The following EHBP1 variants were observed in gnomAD, a reference collection of about 807,000 sequenced individuals.
EHBP1 encodes EH domain binding protein 1.
In EHBP1, 55 loss-of-function variants were observed where a neutral mutation model predicts 144.0. That is an observed-to-expected ratio of 0.38 (90% CI 0.31 to 0.48). EHBP1 has a LOEUF of 0.48. Among genes scored for constraint, EHBP1 ranks in the 20% least tolerant of loss-of-function variants. EHBP1 has a pLI of 0.98. For synonymous variants in EHBP1, 469 were observed against 472.7 expected (o/e 0.99, Z 0.10); for missense variants, 1,200 against 1,364.2 (o/e 0.88, Z 1.90).
intron 5 of EHBP1, 141 bp downstream of exon 5, chr2:62,771,533 A>T: frequency 1.2e-5 from 7 of 596,724 alleles, no homozygotes; most frequent in Non-Finnish European, 2.0e-5. Context: ...GAATGTTTTT[A>T]ATGAAATGAT....
rs969190417 is a variant in EHBP1 at position 62,935,342 on chromosome 2, AAAAT to A, written c.1186-7374_1186-7371del. ...AGACTCCATCTCAAAAAAAAAAAAA[AAAAT>A]ATATATATATATATATATATCCATC... On this transcript the variant is annotated intron_variant, in intron 10 of 22. Coordinates refer to ENST00000431489, the MANE Select transcript of EHBP1 (RefSeq NM_001142616.3). 1.0e-4 allele frequency among the ~76,000 whole-genome samples: 13 copies of A among 127,104 alleles called. No homozygotes were observed. The South Asian group carries it at 2.4e-3, about 23-fold the overall frequency. 83.4% of individuals were successfully genotyped at this position (127,104 alleles called of 152,430 possible).
chr2:62,771,356 A>G lies in EHBP1; in HGVS notation c.276A>G (p.Glu92=). 6.3e-7 allele frequency: 1 copy of G among 1,593,832 alleles called. No individual in the cohort carries two copies. Among genetic ancestry groups the G allele is most frequent in the Non-Finnish European group, 8.5e-7 (1 of 1,169,884 alleles). The part of the protein sequence containing the change: ...VTLFKDPHAE[E]FEDKEWTFVI... Reference sequence around the variant, plus strand: ...TGTTACAGGATCCTCATGCGGAAGAATTTGAAGACAAAGAGTGGACATTTG... The same window carrying G: ...TGTTACAGGATCCTCATGCGGAAGAGTTTGAAGACAAAGAGTGGACATTTG... The change falls in exon 5 of 23, where the codon GAA becomes GAG. Residue 92 remains glutamate, a synonymous_variant. Coordinates refer to ENST00000431489, the MANE Select transcript of EHBP1 (RefSeq NM_001142616.3).
At chr2:63,017,313 C>T (rs892371002) in intron 19 of EHBP1, among the ~76,000 whole-genome samples, 13 of 152,174 alleles carry the variant, frequency 8.5e-5, no homozygotes, top group African/African-American at 2.4e-4. Context: ...CATGAGCCAC[C>T]GTCCCCGGCC....
intron 12 of EHBP1, 108 bp from the exon 13 acceptor site, chr2:62,948,152 A>G: frequency 1.1e-6 from 1 of 943,396 alleles, no homozygotes. Context: ...ATGTGACATA[A>G]TGTCGATAAC....
chr2:62,743,131 C>T (rs1402451429), intron 2 of EHBP1, among the ~76,000 whole-genome samples: 1 of 152,016 alleles, frequency 6.6e-6, no homozygotes, highest in Non-Finnish European at 1.5e-5. Context: ...AATAAACTGA[C>T]CATGATATCC....
At chr2:62,733,007 C>G (rs904168157) in intron 2 of EHBP1, among the ~76,000 whole-genome samples, 14 of 152,268 alleles carry the variant, frequency 9.2e-5, no homozygotes, top group Admixed American at 7.2e-4. Flanking sequence ...GTTTTCATTT[C>G]TCTGCTTCCA....
chr2:62,746,516 A>G (rs1321389708), intron 2 of EHBP1, among the ~76,000 whole-genome samples: 1 of 152,096 alleles, frequency 6.6e-6, no homozygotes, highest in African/African-American at 2.4e-5. Context: ...TATGACTTTC[A>G]TTTCTTGGTT....
rs1276349130 is a variant in EHBP1 at position 62,875,263 on chromosome 2, G to T, written c.1185+731G>T. 2.6e-5 allele frequency among the ~76,000 whole-genome samples: 4 copies of T among 152,190 alleles called. No homozygotes were observed. The East Asian group carries it at 7.7e-4, about 29-fold the overall frequency. On this transcript the variant is annotated intron_variant, in intron 10 of 22. Transcript: ENST00000431489. Reference sequence around the variant, plus strand: ...TCAGAGTGATCTTGCCAGCAGACTGGGAACATCTCAGGCCCTCGAGCACAG... The same window carrying T: ...TCAGAGTGATCTTGCCAGCAGACTGTGAACATCTCAGGCCCTCGAGCACAG...
chr2:62,863,908 G>T (rs147535366), intron 8 of EHBP1, among the ~76,000 whole-genome samples: 14 of 131,626 alleles, frequency 1.1e-4, no homozygotes, highest in Non-Finnish European at 2.0e-4. Context: ...GTTCAGTGGC[G>T]CAGTCTCAGC....
chr2:63,011,093 T>TA (rs2060245408), intron 19 of EHBP1, among the ~76,000 whole-genome samples: 1 of 149,288 alleles, frequency 6.7e-6, no homozygotes, highest in Non-Finnish European at 1.5e-5. Flanking sequence ...ACAGAGGGAT[T>TA]ACTCCTGGGT....
intron 6 of EHBP1, among the ~76,000 whole-genome samples, chr2:62,827,576 A>G (rs183358552): frequency 9.9e-5 from 15 of 152,022 alleles, no homozygotes; most frequent in Admixed American, 3.9e-4. Context: ...CTGCCTCTCT[A>G]CCTCCTCCTT....
At position 63,046,286 on chromosome 2, in the gene EHBP1, C is replaced by T. The variant is rs2061952004; in HGVS notation, c.*786C>T. On this transcript the variant is annotated 3_prime_UTR_variant, in exon 23 of 23. Coordinates refer to ENST00000431489, the MANE Select transcript of EHBP1 (RefSeq NM_001142616.3). The stretch of plus-strand genomic sequence containing the variant: ...GCTTGATTCCTACATTTTGTTGGGT[C>T]TCAACATTGGCTCACGAATGCTGTT... The T allele has an allele frequency of 1.3e-5, 2 of 152,612 alleles. No individual in the cohort carries two copies. Among genetic ancestry groups the T allele is most frequent in the Non-Finnish European group, 2.9e-5 (2 of 68,040 alleles). The allele number at this position is 152,612 out of a possible 1,614,324, so 9.5% of individuals were successfully genotyped here. A position where few individuals can be genotyped will look rare whatever the true frequency, so the allele number is the denominator to read the frequency against.
In EHBP1 at chr2:62,830,999, A is replaced by G. The variant is rs1350359993; in HGVS notation, c.495-20A>G. 6.2e-7 allele frequency: 1 copy of G among 1,607,696 alleles called. No homozygotes were observed. The highest frequency in any genetic ancestry group is 1.7e-5 in the Admixed American group (1 of 58,378). On this transcript the variant is annotated intron_variant, in intron 6 of 22. Transcript: ENST00000431489. ...ACTGTCATTTAGTACAATGTGTTAT[A>G]TTTTGAATCATTGATGTAGAGATGA...
At chr2:62,933,647 G>A (rs918470925) in intron 10 of EHBP1, among the ~76,000 whole-genome samples, 18 of 152,118 alleles carry the variant, frequency 1.2e-4, no homozygotes, top group African/African-American at 2.4e-4. Flanking sequence ...TATAACCACC[G>A]ATTATAGGGA....
intron 8 of EHBP1, among the ~76,000 whole-genome samples, chr2:62,862,393 G>A (rs1486914153): frequency 1.3e-5 from 2 of 152,150 alleles, no homozygotes; most frequent in East Asian, 3.9e-4. Context: ...CAGATCACCT[G>A]AGGTCAGGAG....
chr2:62,783,873 G>A (rs933413557), intron 5 of EHBP1, among the ~76,000 whole-genome samples: 1 of 152,226 alleles, frequency 6.6e-6, no homozygotes, highest in African/African-American at 2.4e-5. Flanking sequence ...TTGAATTTCT[G>A]CCCAGAAAAT....
intron 5 of EHBP1, among the ~76,000 whole-genome samples, chr2:62,818,053 C>T (rs1334818121): frequency 6.6e-6 from 1 of 151,506 alleles, no homozygotes; most frequent in Non-Finnish European, 1.5e-5. Flanking sequence ...TTTTAAGTAC[C>T]CCTGGAACAT....
intron 10 of EHBP1, among the ~76,000 whole-genome samples, chr2:62,910,532 T>C (rs1261743585): frequency 2.0e-5 from 3 of 152,144 alleles, no homozygotes; most frequent in African/African-American, 7.2e-5. Flanking sequence ...AGTGACTTAT[T>C]TTGCCTACCA....
chr2:63,044,904 C>T (rs2153383659), intron 21 of EHBP1, 162 bp from the exon 22 acceptor site: 2 of 590,004 alleles, frequency 3.4e-6, no homozygotes, highest in South Asian at 4.3e-5. Context: ...GCGAGGAAGC[C>T]TTCACCACAA....
Sources: gnomAD v4.1 joint callset for allele counts (sites outside exome capture counted in the v4.1 genomes callset) on GRCh38, gnomAD v4.1.1 for gene constraint, MANE v1.5 for transcripts, NCBI Gene and HGNC (gene_info 2026-07-23, HGNC 2026-07-21) for gene names.